SPTLC2: variants seen among roughly 807,000 people sequenced by gnomAD.
SPTLC2 encodes the protein serine palmitoyltransferase 2.
SPTLC2 carries 21 observed loss-of-function variants against 62.0 expected under a neutral mutation model. The observed-to-expected ratio is 0.34, with a 90% CI of 0.24 to 0.49. The LOEUF (loss-of-function observed/expected upper bound fraction) is 0.49, where lower values mean the gene tolerates loss of function less well. Among genes scored for constraint, SPTLC2 ranks in the 20% least tolerant of loss-of-function variants. SPTLC2 has a pLI of 0.99. For missense variants in SPTLC2, 511 were observed against 713.0 expected (o/e 0.72, Z 3.23); for synonymous variants, 261 against 261.8 (o/e 1.00, Z 0.03).
At chr14:77,528,402 C>T (rs1278675965) in intron 9 of SPTLC2, among the ~76,000 whole-genome samples, 4 of 151,768 alleles carry the variant, frequency 2.6e-5, no homozygotes, top group African/African-American at 7.3e-5. Flanking sequence ...TGGCTAATTT[C>T]GTATTTTTAG....
intron 10 of SPTLC2, among the ~76,000 whole-genome samples, chr14:77,519,647 G>A (rs2079376486): frequency 6.6e-6 from 1 of 152,172 alleles, no homozygotes; most frequent in Admixed American, 6.5e-5. Flanking sequence ...GAACCTGGGA[G>A]GTGGAGGTTG....
At position 77,512,053 on chromosome 14, in the gene SPTLC2, G is replaced by C; in HGVS notation, c.*231C>G. The C allele has an allele frequency of 1.7e-6, 1 of 578,122 alleles. No homozygotes were observed. 35.8% of individuals were successfully genotyped at this position (578,122 alleles called of 1,614,324 possible). On this transcript the variant is annotated 3_prime_UTR_variant, in exon 12 of 12. Coordinates refer to ENST00000216484, the MANE Select transcript of SPTLC2 (RefSeq NM_004863.4). ...AATGTTTTTTTAATGGACTGAAAAA[G>C]CAAAGTGAGTCACCTTCGTTTTTAA...
intron 2 of SPTLC2, among the ~76,000 whole-genome samples, chr14:77,584,765 C>T (rs1052331313): frequency 6.6e-6 from 1 of 152,122 alleles, no homozygotes; most frequent in Non-Finnish European, 1.5e-5. Flanking sequence ...ATGACCAACA[C>T]ACACATAACA....
At chr14:77,537,228 T>C (rs937982580) in intron 9 of SPTLC2, among the ~76,000 whole-genome samples, 6 of 151,852 alleles carry the variant, frequency 4.0e-5, no homozygotes, top group African/African-American at 1.5e-4. Flanking sequence ...TATGTACTTC[T>C]TATCTTTAAA....
chr14:77,522,840 T>C (rs2079391259), intron 9 of SPTLC2, among the ~76,000 whole-genome samples: 1 of 152,220 alleles, frequency 6.6e-6, no homozygotes, highest in African/African-American at 2.4e-5. Flanking sequence ...GCATGATACA[T>C]GACATAAGTT....
chr14:77,509,934 C>T lies in SPTLC2; in HGVS notation c.*2350G>A, dbSNP rs936619882. ...GTACTGACATTTGAATTTGCAGTGA[C>T]TTCATGCAAGCCAAAATAAAAAGAC... On this transcript the variant is annotated 3_prime_UTR_variant, in exon 12 of 12. Coordinates refer to ENST00000216484, the MANE Select transcript of SPTLC2 (RefSeq NM_004863.4). 1.5e-5 allele frequency: 6 copies of T among 398,392 alleles called. No homozygotes were observed. In the East Asian group the frequency reaches 2.1e-4, roughly 14 times the overall value. 24.7% of individuals were successfully genotyped at this position (398,392 alleles called of 1,614,324 possible).
At position 77,563,098 on chromosome 14, in the gene SPTLC2, A is replaced by C. The variant is rs558029720; in HGVS notation, c.757-609T>G. On this transcript the variant is annotated intron_variant, in intron 5 of 11. Transcript: ENST00000216484. ...AGATCTCGGTTTGGTTTTTTTTTTC[A>C]CTGCAGTTCTTACTCTTCCATCTCT... 5.3e-5 allele frequency among the ~76,000 whole-genome samples: 8 copies of C among 151,300 alleles called. No homozygotes were observed. In the South Asian group the frequency reaches 1.5e-3, roughly 28 times the overall value.
chr14:77,601,015 T>C (rs2079874487), intron 1 of SPTLC2, among the ~76,000 whole-genome samples: 1 of 152,210 alleles, frequency 6.6e-6, no homozygotes, highest in Non-Finnish European at 1.5e-5. Context: ...TCCATAAGAC[T>C]AAAATTGTCT....
intron 2 of SPTLC2, among the ~76,000 whole-genome samples, chr14:77,587,096 C>T (rs546193817): frequency 2.6e-5 from 4 of 152,136 alleles, no homozygotes; most frequent in East Asian, 1.9e-4. Context: ...GGCGTGGTAG[C>T]GGGCGCCTGT....
chr14:77,592,560 C>A (rs2079824155), intron 2 of SPTLC2, among the ~76,000 whole-genome samples: 1 of 151,984 alleles, frequency 6.6e-6, no homozygotes, highest in South Asian at 2.1e-4. Flanking sequence ...ATATAATGTC[C>A]CTTCGCCGTA....
At chr14:77,540,494 A>G (rs1406475147) in intron 9 of SPTLC2, among the ~76,000 whole-genome samples, 1 of 152,080 alleles carries the variant, frequency 6.6e-6, no homozygotes, top group Admixed American at 6.6e-5. Context: ...AAATTTTTTG[A>G]GACGGAGTCT....
chr14:77,545,260 T>A (rs1457135281), intron 9 of SPTLC2, among the ~76,000 whole-genome samples: 1 of 142,286 alleles, frequency 7.0e-6, no homozygotes, highest in African/African-American at 2.7e-5. Context: ...CTTAGTAGGG[T>A]ATCGGGCACT....
At chr14:77,581,010 G>C (rs559229810) in intron 2 of SPTLC2, among the ~76,000 whole-genome samples, 123 of 152,294 alleles carry the variant, frequency 8.1e-4, no homozygotes, top group Non-Finnish European at 1.3e-3. Flanking sequence ...GCCTGGTGTG[G>C]TATGACCACT....
intron 9 of SPTLC2, among the ~76,000 whole-genome samples, chr14:77,525,111 C>A (rs1233357147): frequency 6.6e-6 from 1 of 151,484 alleles, no homozygotes; most frequent in Non-Finnish European, 1.5e-5. Context: ...CATATGTACC[C>A]CATAAATATT....
At chr14:77,516,030 G>A (rs1007119437) in intron 11 of SPTLC2, among the ~76,000 whole-genome samples, 1 of 126,012 alleles carries the variant, frequency 7.9e-6, no homozygotes, top group African/African-American at 2.6e-5. Flanking sequence ...GTGTGTGTGT[G>A]TATTTTACAG....
chr14:77,557,319 T>C (rs2079589887), intron 6 of SPTLC2, 173 bp from the exon 7 acceptor site: 1 of 618,248 alleles, frequency 1.6e-6, no homozygotes, highest in East Asian at 2.8e-5. Context: ...CCACCTTGAA[T>C]TGAAATCCAA....
chr14:77,540,191 C>T (rs1362811572), intron 9 of SPTLC2, among the ~76,000 whole-genome samples: 2 of 12,568 alleles, frequency 1.6e-4, no homozygotes, highest in Non-Finnish European at 1.2e-3. Context: ...GCAACAAGAG[C>T]GAAACTCTTG....
intron 2 of SPTLC2, among the ~76,000 whole-genome samples, chr14:77,594,518 T>C (rs981606461): frequency 2.0e-5 from 3 of 152,220 alleles, no homozygotes; most frequent in African/African-American, 7.2e-5. Flanking sequence ...CCCAACACTT[T>C]GGGAGGCCAA....
intron 9 of SPTLC2, among the ~76,000 whole-genome samples, chr14:77,550,373 G>A (rs752316608): frequency 7.2e-5 from 11 of 152,222 alleles, no homozygotes; most frequent in East Asian, 1.9e-4. Context: ...TCGGGAGTTC[G>A]AGACCAGCCT....
Sources: allele counts gnomAD v4.1 joint callset (sites outside exome capture counted in the v4.1 genomes callset), GRCh38; gene constraint gnomAD v4.1.1; transcripts MANE v1.5; gene names NCBI Gene and HGNC (gene_info 2026-07-23, HGNC 2026-07-21).